The following NELL1 variants were observed in gnomAD, a reference collection of about 807,000 sequenced individuals.
The protein encoded by NELL1 is protein kinase C-binding protein NELL1.
Under a neutral mutation model 107.4 loss-of-function variants are expected in NELL1, and 76 were observed. The observed-to-expected ratio is 0.71, with a 90% CI of 0.59 to 0.86. NELL1 has a LOEUF of 0.86. Ranked by LOEUF, NELL1 falls within the 40% of genes least tolerant of loss-of-function variation. The pLI is 0.00. For synonymous variants in NELL1, 353 were observed against 341.2 expected (o/e 1.03, Z -0.38); for missense variants, 1,024 against 1,005.5 (o/e 1.02, Z -0.25).
intron 14 of NELL1, among the ~76,000 whole-genome samples, chr11:21,309,302 A>ATATAATATATATATATATATG (rs1565160585): frequency 4.7e-5 from 6 of 127,914 alleles, no homozygotes; most frequent in African/African-American, 1.8e-4. Flanking sequence ...ATATATATGT[A>ATATAATATATATATATATATG]TATATATATA....
chr11:21,091,429 T>C (rs945789809), intron 12 of NELL1, among the ~76,000 whole-genome samples: 3 of 152,212 alleles, frequency 2.0e-5, no homozygotes, highest in Admixed American at 1.3e-4. Flanking sequence ...ATAAAATGGA[T>C]GATAATCTGA....
chr11:20,776,768 G>A (rs569008803), intron 2 of NELL1, among the ~76,000 whole-genome samples: 1 of 152,092 alleles, frequency 6.6e-6, no homozygotes, highest in Non-Finnish European at 1.5e-5. Flanking sequence ...TGTGGGCTGT[G>A]GGGGAGAGGA....
intron 12 of NELL1, among the ~76,000 whole-genome samples, chr11:20,971,938 C>T (rs560492591): frequency 6.6e-6 from 1 of 151,764 alleles, no homozygotes; most frequent in South Asian, 2.1e-4. Context: ...GAAAACCAAA[C>T]ACCGCATGTT....
chr11:21,201,450 T>C (rs1342510995), intron 13 of NELL1, among the ~76,000 whole-genome samples: 1 of 152,208 alleles, frequency 6.6e-6, no homozygotes, highest in South Asian at 2.1e-4. Context: ...CGTATAGTAA[T>C]GCTTGTGATT....
intron 2 of NELL1, among the ~76,000 whole-genome samples, chr11:20,713,784 TATA>T (rs1855170596): frequency 1.3e-5 from 2 of 152,170 alleles, no homozygotes; most frequent in Non-Finnish European, 2.9e-5. Flanking sequence ...TGCCTATAAT[TATA>T]ATAAGGGATG....
At chr11:21,265,214 T>A (rs890976600) in intron 14 of NELL1, among the ~76,000 whole-genome samples, 1 of 152,006 alleles carries the variant, frequency 6.6e-6, no homozygotes, top group Non-Finnish European at 1.5e-5. Flanking sequence ...ACCAAAAAAA[T>A]TCAGCATGAA....
intron 12 of NELL1, among the ~76,000 whole-genome samples, chr11:20,970,034 A>G (rs1214135950): frequency 8.5e-6 from 1 of 118,052 alleles, no homozygotes; most frequent in Non-Finnish European, 1.8e-5. Context: ...GCGTATATAA[A>G]TATCTAATCT....
chr11:20,761,393 T>G (rs1431039209), intron 2 of NELL1, among the ~76,000 whole-genome samples: 2 of 152,062 alleles, frequency 1.3e-5, no homozygotes, highest in African/African-American at 2.4e-5. Flanking sequence ...AAATGTGGAG[T>G]TGCAGTCTTC....
chr11:20,762,269 A>C (rs1330121497), intron 2 of NELL1, among the ~76,000 whole-genome samples: 2 of 152,202 alleles, frequency 1.3e-5, no homozygotes, highest in South Asian at 2.1e-4. Flanking sequence ...GACAGGAGAG[A>C]TGAGAGAACA....
intron 14 of NELL1, among the ~76,000 whole-genome samples, chr11:21,351,229 A>C (rs1590860998): frequency 6.6e-6 from 1 of 152,194 alleles, no homozygotes; most frequent in East Asian, 1.9e-4. Context: ...TCCAATGTGA[A>C]CCTATCCAGC....
chr11:21,569,246 A>T (rs1453024107), intron 17 of NELL1, among the ~76,000 whole-genome samples: 1 of 151,872 alleles, frequency 6.6e-6, no homozygotes, highest in African/African-American at 2.4e-5. Flanking sequence ...AAACTACAAC[A>T]CTTAAAACAA....
At chr11:21,538,282 C>T (rs1856191443) in intron 16 of NELL1, among the ~76,000 whole-genome samples, 1 of 152,112 alleles carries the variant, frequency 6.6e-6, no homozygotes. Flanking sequence ...ACCTTCACTA[C>T]TGATTTTATC....
chr11:21,487,690 G>A (rs78288708), intron 15 of NELL1, among the ~76,000 whole-genome samples: 4 of 152,092 alleles, frequency 2.6e-5, no homozygotes, highest in South Asian at 4.2e-4. Flanking sequence ...TAATAACCTC[G>A]AATTTAAATG....
rs376926605 is a variant in NELL1, at chr11:21,193,150, G to A, written c.1427-36182G>A. Among the ~76,000 whole-genome samples the A allele has an allele frequency of 1.4e-4, 22 of 151,920 alleles. 1 individual carries two copies. The highest frequency in any genetic ancestry group is 3.6e-4 in the African/African-American group (15 of 41,232). ...TCTGGTTATTTGACTACTAATATGC[G>A]AAAATCCAAAAATTTAGATTGAGTA... is the stretch of plus-strand genomic sequence containing the variant. On this transcript the variant is annotated intron_variant, in intron 13 of 19. Coordinates refer to ENST00000357134, the MANE Select transcript of NELL1 (RefSeq NM_006157.5).
chr11:20,669,683 T>G lies in NELL1; in HGVS notation c.-41T>G. On this transcript the variant is annotated 5_prime_UTR_variant, in exon 1 of 20. Transcript: ENST00000357134. This position sits in a 1 kb window ranked among gnomAD's most constrained non-coding sequence, Gnocchi z 4.4. The stretch of plus-strand genomic sequence containing the variant: ...GGATCCAGGCTCATTTGCTTCCACC[T>G]AGCTTCGGTGCCCCCTGCTAGGCGG... 1.9e-6 allele frequency: 3 copies of G among 1,579,894 alleles called. No homozygotes were observed. Among genetic ancestry groups the G allele is most frequent in the Non-Finnish European group, 2.6e-6 (3 of 1,149,552 alleles).
At chr11:20,989,491 C>T (rs1278590727) in intron 12 of NELL1, among the ~76,000 whole-genome samples, 1 of 152,180 alleles carries the variant, frequency 6.6e-6, no homozygotes, top group Non-Finnish European at 1.5e-5. Context: ...ATTACCTTAT[C>T]TTCTTGACTT....
At chr11:21,309,284 A>ATATATATATGTG (rs1565160413) in intron 14 of NELL1, among the ~76,000 whole-genome samples, 2 of 62,782 alleles carry the variant, frequency 3.2e-5, no homozygotes, top group Non-Finnish European at 5.1e-5. Flanking sequence ...ATATATGTAT[A>ATATATATATGTG]TATATATATA....
chr11:21,282,698 G>A (rs917194882), intron 14 of NELL1, among the ~76,000 whole-genome samples: 2 of 152,054 alleles, frequency 1.3e-5, no homozygotes, highest in Admixed American at 1.3e-4. Flanking sequence ...AAGGAAATCA[G>A]TGCATAGAAA....
In NELL1 at chr11:20,825,070, T is replaced by G. The variant is rs1314587974; in HGVS notation, c.336-22513T>G. 1.3e-5 allele frequency among the ~76,000 whole-genome samples: 2 copies of G among 151,256 alleles called. 1 individual carries two copies. The highest frequency in any genetic ancestry group is 1.3e-4 in the Admixed American group (2 of 15,054). Reference sequence around the variant, plus strand: ...TGCTTCAGAGGGTGCAAGCCCCAAGTCTTGGCAGACTTTATGTGGTGTTGG... The same window carrying G: ...TGCTTCAGAGGGTGCAAGCCCCAAGGCTTGGCAGACTTTATGTGGTGTTGG... On this transcript the variant is annotated intron_variant, in intron 3 of 19. Coordinates refer to ENST00000357134, the MANE Select transcript of NELL1 (RefSeq NM_006157.5).
Sources: gnomAD v4.1 joint callset for allele counts (sites outside exome capture counted in the v4.1 genomes callset) on GRCh38, gnomAD v4.1.1 for gene constraint, Gnocchi (gnomAD v3.1) non-coding constraint, MANE v1.5 for transcripts, NCBI Gene and HGNC (gene_info 2026-07-23, HGNC 2026-07-21) for gene names.